Variants in XKR9 observed in about 807,000 individuals in gnomAD.
The protein encoded by XKR9 is XK related 9, also known as XK-related protein 9.
A neutral mutation model predicts 32.0 loss-of-function variants in XKR9; 32 were observed. That is an observed-to-expected ratio of 1.00 (90% confidence interval 0.76 to 1.34). The LOEUF (loss-of-function observed/expected upper bound fraction) is 1.34, where lower values mean the gene tolerates loss of function less well. Among genes scored for constraint, XKR9 ranks in the 40% most tolerant of loss-of-function variants. The pLI is 0.00. For synonymous variants in XKR9, 168 were observed against 143.4 expected, an observed-to-expected ratio of 1.17 and a Z score of -1.22; for missense variants, 546 against 429.7, an observed-to-expected ratio of 1.27 and a Z score of -2.39.
intron 3 of XKR9, among the ~76,000 whole-genome samples, chr8:70,686,240 C>CTT (rs35422609): frequency 8.1e-6 from 1 of 123,108 alleles, no homozygotes; most frequent in Non-Finnish European, 1.8e-5. Flanking sequence ...TCACTCCATT[C>CTT]TTTTTTTTTT....
At chr8:70,799,468 C>A in the XKR9 span, among the ~76,000 whole-genome samples, 1 of 151,992 alleles carries the variant, frequency 6.6e-6, no homozygotes, top group African/African-American at 2.4e-5. Flanking sequence ...GTAGCTGGGA[C>A]TACTGGTGCG....
At chr8:71,041,619 C>A in the XKR9 span, among the ~76,000 whole-genome samples, 2 of 152,094 alleles carry the variant, frequency 1.3e-5, no homozygotes, top group Non-Finnish European at 2.9e-5. Context: ...AGGGAGGGAA[C>A]TGGTGCAAGG....
chr8:70,853,171 C>G, the XKR9 span, among the ~76,000 whole-genome samples: 1 of 151,926 alleles, frequency 6.6e-6, no homozygotes, highest in East Asian at 1.9e-4. Flanking sequence ...CTCATGTTCT[C>G]ACTTATTTGT....
the XKR9 span, among the ~76,000 whole-genome samples, chr8:71,056,955 G>A: frequency 4.1e-4 from 63 of 152,110 alleles, no homozygotes; most frequent in African/African-American, 1.5e-3. Flanking sequence ...TGAATATGTT[G>A]GCAAATGGTT....
At chr8:70,965,716 C>G in the XKR9 span, among the ~76,000 whole-genome samples, 3 of 152,158 alleles carry the variant, frequency 2.0e-5, no homozygotes, top group East Asian at 3.8e-4. Flanking sequence ...TCTATTTCTT[C>G]TAGGTTTTCT....
At chr8:71,046,262 C>A in the XKR9 span, among the ~76,000 whole-genome samples, 4 of 152,190 alleles carry the variant, frequency 2.6e-5, no homozygotes, top group Admixed American at 2.0e-4. Context: ...TTATTAATAT[C>A]ATTTCTTCCC....
the XKR9 span, among the ~76,000 whole-genome samples, chr8:70,874,895 A>C: frequency 6.6e-6 from 1 of 152,112 alleles, no homozygotes; most frequent in South Asian, 2.1e-4. Flanking sequence ...CTTTTTTCCC[A>C]ATAGTTCCAA....
At chr8:71,008,690 A>T in the XKR9 span, among the ~76,000 whole-genome samples, 1 of 152,086 alleles carries the variant, frequency 6.6e-6, no homozygotes, top group Non-Finnish European at 1.5e-5. Context: ...GCAGTGGTGC[A>T]ATCTTGGCTC....
rs1363244827 is a variant in XKR9 at position 70,735,568 on chromosome 8, T to G, written c.*1144T>G. 1 of 150,928 alleles carries G rather than the reference T, an allele frequency of 6.6e-6. No homozygotes were observed. Among genetic ancestry groups the G allele is most frequent in the Non-Finnish European group, 1.5e-5 (1 of 67,682 alleles). 9.3% of individuals were successfully genotyped at this position (150,928 alleles called of 1,614,324 possible). ...ATGCTGGTGTGCTGCACCCATTAAC[T>G]CGTCATTTATCATTAGGTATATCTC... On this transcript the variant is annotated 3_prime_UTR_variant, in exon 5 of 5. Transcript: ENST00000408926.
chr8:70,977,808 T>A, the XKR9 span, among the ~76,000 whole-genome samples: 1 of 152,204 alleles, frequency 6.6e-6, no homozygotes, highest in South Asian at 2.1e-4. Flanking sequence ...TTCTCTCTCA[T>A]TGATCTGTCT....
chr8:70,693,316 G>C (rs1805145199), intron 3 of XKR9, among the ~76,000 whole-genome samples: 1 of 152,124 alleles, frequency 6.6e-6, no homozygotes, highest in African/African-American at 2.4e-5. Flanking sequence ...ATATTAGTGA[G>C]ATATTTTTGC....
chr8:70,683,056 G>C (rs552262881), intron 3 of XKR9, among the ~76,000 whole-genome samples: 1 of 152,292 alleles, frequency 6.6e-6, no homozygotes, highest in African/African-American at 2.4e-5. Flanking sequence ...TCAACCTCTT[G>C]TTCTGAGTAA....
chr8:70,721,667 CTGTT>C (rs1445801967), intron 4 of XKR9, among the ~76,000 whole-genome samples: 4 of 152,136 alleles, frequency 2.6e-5, no homozygotes, highest in Non-Finnish European at 4.4e-5. Flanking sequence ...GTCTGAGAGA[CTGTT>C]TGTTATGATT....
the XKR9 span, among the ~76,000 whole-genome samples, chr8:70,948,999 T>G: frequency 6.6e-6 from 1 of 152,180 alleles, no homozygotes; most frequent in African/African-American, 2.4e-5. Flanking sequence ...GCTATTTAAA[T>G]TAAGAAAAGT....
the XKR9 span, among the ~76,000 whole-genome samples, chr8:71,009,049 CAG>C: frequency 1.3e-5 from 2 of 152,068 alleles, no homozygotes; most frequent in East Asian, 3.9e-4. Context: ...TATTTGGAGA[CAG>C]AGTAAGGGAG....
chr8:70,841,261 A>T, the XKR9 span, among the ~76,000 whole-genome samples: 1 of 152,208 alleles, frequency 6.6e-6, no homozygotes, highest in African/African-American at 2.4e-5. Context: ...TATACTTAAA[A>T]ATAAAAATTT....
chr8:70,882,532 T>A, the XKR9 span, among the ~76,000 whole-genome samples: 1 of 151,926 alleles, frequency 6.6e-6, no homozygotes, highest in African/African-American at 2.4e-5. Context: ...TTCACTCTTT[T>A]GGTATAGTAT....
chr8:70,915,156 T>C, the XKR9 span, among the ~76,000 whole-genome samples: 3 of 152,034 alleles, frequency 2.0e-5, no homozygotes, highest in Non-Finnish European at 2.9e-5. Context: ...TACCAGCAGG[T>C]CCATTAGAAT....
chr8:71,062,347 G>A, the XKR9 span, among the ~76,000 whole-genome samples: 3 of 152,294 alleles, frequency 2.0e-5, no homozygotes, highest in East Asian at 5.8e-4. Flanking sequence ...GGTGTCAAGA[G>A]ATTGAGTGTC....
Sources: allele counts gnomAD v4.1 joint callset (sites outside exome capture counted in the v4.1 genomes callset), GRCh38; gene constraint gnomAD v4.1.1; transcripts MANE v1.5; gene names NCBI Gene and HGNC (gene_info 2026-07-23, HGNC 2026-07-21).